The following EMC3 variants were observed in gnomAD, a reference collection of about 807,000 sequenced individuals.
EMC3 encodes 30 kDa protein.
Under a neutral mutation model 36.6 loss-of-function variants are expected in EMC3, and 13 were observed. That is an observed-to-expected ratio of 0.35 (90% CI 0.23 to 0.56). EMC3 has a LOEUF of 0.56. Ranked by LOEUF, EMC3 falls within the 20% of genes least tolerant of loss-of-function variation. The pLI is 0.84. For synonymous variants in EMC3, 120 were observed against 111.9 expected (o/e 1.07, Z -0.46); for missense variants, 220 against 324.5 (o/e 0.68, Z 2.47).
intron 1 of EMC3, among the ~76,000 whole-genome samples, chr3:9,996,757 G>C (rs1470032512): frequency 6.6e-6 from 1 of 152,094 alleles, no homozygotes; most frequent in South Asian, 2.1e-4. Flanking sequence ...GTCTCCCACA[G>C]GGACAATCAC....
At position 9,995,882 on chromosome 3, in the gene EMC3, A is replaced by G. The variant is rs373881690; in HGVS notation, c.-241-8980T>C. On this transcript the variant is annotated intron_variant, in intron 1 of 8. Transcript: ENST00000470827. ...TGGAAAAAAAAAAAGCAAATGATAG[A>G]TTTGCTGTGTAAAATAGTGGAAATG... 7.2e-5 allele frequency among the ~76,000 whole-genome samples: 11 copies of G among 152,034 alleles called. 1 individual carries two copies. The East Asian group carries it at 9.7e-4, about 13-fold the overall frequency.
chr3:9,986,759 C>A lies in EMC3; in HGVS notation c.-98G>T. On this transcript the variant is annotated 5_prime_UTR_variant, in exon 1 of 8. Coordinates refer to ENST00000245046, the MANE Select transcript of EMC3 (RefSeq NM_001394674.1). ...GCTTCGCCTCCGGGCCTTCTCAAGC[C>A]CCTTTGCCCGTGTACCCCAGAACTC... is the stretch of plus-strand genomic sequence containing the variant. The A allele has an allele frequency of 6.4e-7, 1 of 1,551,612 alleles. No homozygotes were observed. Among genetic ancestry groups the A allele is most frequent in the Non-Finnish European group, 8.7e-7 (1 of 1,150,134 alleles).
chr3:9,980,971 G>A (rs1422158720), intron 1 of EMC3, among the ~76,000 whole-genome samples: 2 of 152,084 alleles, frequency 1.3e-5, no homozygotes, highest in African/African-American at 4.8e-5. Context: ...GAGGTGGGAG[G>A]ATTGCTTGAG....
At chr3:10,005,601 A>G (rs1199290080) in intron 1 of EMC3, among the ~76,000 whole-genome samples, 5 of 152,194 alleles carry the variant, frequency 3.3e-5, no homozygotes, top group African/African-American at 1.2e-4. Flanking sequence ...TTGACTCATT[A>G]AAAAATTACT....
chr3:10,007,537 C>T (rs367752490), intron 1 of EMC3: 1 of 1,367,656 alleles, frequency 7.3e-7, no homozygotes, highest in Non-Finnish European at 9.8e-7. Flanking sequence ...AGCGCTCCCC[C>T]TCAGAGGCCT....
chr3:9,998,368 AT>A (rs1250204139), intron 1 of EMC3, among the ~76,000 whole-genome samples: 2 of 94,074 alleles, frequency 2.1e-5, no homozygotes, highest in South Asian at 3.4e-4. Context: ...TCTGTCTCAA[AT>A]AATAATAATA....
chr3:9,970,297 G>A (rs1250308463), intron 6 of EMC3, among the ~76,000 whole-genome samples: 1 of 152,180 alleles, frequency 6.6e-6, no homozygotes, highest in African/African-American at 2.4e-5. Flanking sequence ...CCTTCTTTAA[G>A]CTTTAGGTTC....
At chr3:9,994,167 C>G in intron 1 of EMC3, 2 of 1,586,256 alleles carry the variant, frequency 1.3e-6, no homozygotes, top group East Asian at 2.3e-5. Flanking sequence ...TCTTTTCTCT[C>G]TCTACTCTTC....
chr3:9,986,276 T>C (rs2085971212), intron 1 of EMC3, among the ~76,000 whole-genome samples: 1 of 152,230 alleles, frequency 6.6e-6, no homozygotes. Flanking sequence ...TCCTAGATCC[T>C]GTGCTAAGGG....
intron 7 of EMC3, chr3:9,969,241 T>G: frequency 6.3e-5 from 51 of 803,960 alleles, no homozygotes; most frequent in Non-Finnish European, 7.5e-5. Context: ...ATTACACGTG[T>G]GAGCCCCTGT....
At chr3:9,976,785 A>G (rs965565185) in intron 3 of EMC3, among the ~76,000 whole-genome samples, 172 bp downstream of exon 3, 5 of 152,176 alleles carry the variant, frequency 3.3e-5, no homozygotes, top group African/African-American at 1.2e-4. Context: ...CTAACTGAAA[A>G]AGAGAATTCC....
In EMC3 at chr3:9,974,838, G is replaced by A. The variant is rs111581953; in HGVS notation, c.308-350C>T. Among the ~76,000 whole-genome samples, 17 of 149,314 alleles carry A rather than the reference G, an allele frequency of 1.1e-4. 1 individual carries two copies. The highest frequency in any genetic ancestry group is 4.0e-4 in the African/African-American group (16 of 40,468). On this transcript the variant is annotated intron_variant, in intron 3 of 7. Transcript: ENST00000245046. ...CTCCCAAAGTGCTGGGATTACAGGCGGGAGCCACCGCACCCAGCGTTTTTT... is the reference window on the plus strand; with the variant it reads ...CTCCCAAAGTGCTGGGATTACAGGCAGGAGCCACCGCACCCAGCGTTTTTT...
At chr3:9,983,497 AC>A (rs1351305080) in intron 1 of EMC3, among the ~76,000 whole-genome samples, 1 of 151,972 alleles carries the variant, frequency 6.6e-6, no homozygotes, top group East Asian at 1.9e-4. Context: ...AATGGCTCAC[AC>A]CCTGTCTCTA....
intron 7 of EMC3, among the ~76,000 whole-genome samples, chr3:9,966,116 C>G (rs1218363781): frequency 6.6e-6 from 1 of 152,066 alleles, no homozygotes; most frequent in Non-Finnish European, 1.5e-5. Context: ...GTGGCTGTAC[C>G]ATCATCAACA....
rs1403396547 is a variant in EMC3, at chr3:9,962,969, T to G, written c.*1100A>C. 1 of 152,176 alleles carries G rather than the reference T, an allele frequency of 6.6e-6. No individual in the cohort carries two copies. The highest frequency in any genetic ancestry group is 1.9e-4 in the East Asian group (1 of 5,194). The allele number at this position is 152,176 out of a possible 1,614,324, so 9.4% of individuals were successfully genotyped here. A position where few individuals can be genotyped will look rare whatever the true frequency, so the allele number is the denominator to read the frequency against. On this transcript the variant is annotated 3_prime_UTR_variant, in exon 8 of 8. Transcript: ENST00000245046. ...CCATTTCCAGTATAGCACCACTGATTTGTCAATGGATTTGATAAGATTTGA... is the reference window on the plus strand; with the variant it reads ...CCATTTCCAGTATAGCACCACTGATGTGTCAATGGATTTGATAAGATTTGA...
chr3:9,963,306 C>T lies in EMC3; in HGVS notation c.*763G>A, dbSNP rs1054051024. On this transcript the variant is annotated 3_prime_UTR_variant, in exon 8 of 8. Coordinates refer to ENST00000245046, the MANE Select transcript of EMC3 (RefSeq NM_001394674.1). Reference sequence around the variant, plus strand: ...GGTTTACTTGTGTAAAGAAAGTTAACAATACTAACAAAACTAATGGTAAAA... The same window carrying T: ...GGTTTACTTGTGTAAAGAAAGTTAATAATACTAACAAAACTAATGGTAAAA... The T allele has an allele frequency of 6.6e-6, 1 of 151,906 alleles. No individual in the cohort carries two copies. The highest frequency in any genetic ancestry group is 1.5e-5 in the Non-Finnish European group (1 of 67,988). The allele number at this position is 151,906 out of a possible 1,614,324, so 9.4% of individuals were successfully genotyped here.
intron 1 of EMC3, among the ~76,000 whole-genome samples, chr3:9,984,738 G>A (rs183510411): frequency 1.3e-5 from 2 of 152,232 alleles, no homozygotes; most frequent in Non-Finnish European, 2.9e-5. Context: ...TGCTGGCTCT[G>A]GTCAGTTCTG....
chr3:10,006,950 C>A, intron 1 of EMC3: 1 of 295,932 alleles, frequency 3.4e-6, no homozygotes, highest in Middle Eastern at 1.2e-3. Flanking sequence ...CTGCAAAGCT[C>A]TATTTTATCT....
At chr3:10,002,303 T>TTTTA (rs1553604635) in intron 1 of EMC3, among the ~76,000 whole-genome samples, 1 of 151,790 alleles carries the variant, frequency 6.6e-6, no homozygotes, top group Admixed American at 6.6e-5. Context: ...TTTTATTTTA[T>TTTTA]TTTGAGATAG....
Sources: gnomAD v4.1 joint callset for allele counts (sites outside exome capture counted in the v4.1 genomes callset) on GRCh38, gnomAD v4.1.1 for gene constraint, MANE v1.5 for transcripts, NCBI Gene and HGNC (gene_info 2026-07-23, HGNC 2026-07-21) for gene names.